Variants in SH3KBP1 observed in about 807,000 individuals in gnomAD.
The protein encoded by SH3KBP1 is SH3 domain-containing kinase-binding protein 1.
A neutral mutation model predicts 50.1 loss-of-function variants in SH3KBP1; 8 were observed. The ratio of observed to expected loss-of-function variants is 0.16; its 90% CI spans 0.09 to 0.29. The LOEUF (loss-of-function observed/expected upper bound fraction) is 0.29, where lower values mean the gene tolerates loss of function less well. Among genes scored for constraint, SH3KBP1 ranks in the 10% least tolerant of loss-of-function variants. SH3KBP1 has a pLI of 1.00. For missense variants in SH3KBP1, 377 were observed against 535.2 expected (o/e 0.70, Z 2.92); for synonymous variants, 227 against 218.6 (o/e 1.04, Z -0.34).
chrX:19,687,257 A>T (rs1292994657), intron 5 of SH3KBP1, among the ~76,000 whole-genome samples: 3 of 112,811 alleles, frequency 2.7e-5, no homozygotes, highest in Non-Finnish European at 5.6e-5. Context: ...TGAGAGGTTG[A>T]CATCTCTGCA....
intron 2 of SH3KBP1, among the ~76,000 whole-genome samples, chrX:19,761,255 G>GGAGA (rs772984496): frequency 1.1e-5 from 1 of 87,578 alleles, no homozygotes; most frequent in South Asian, 7.2e-4. Flanking sequence ...AGAGAGGGAG[G>GGAGA]GAGAGAGAGA....
chrX:19,754,571 G>A (rs1347780465), intron 2 of SH3KBP1, among the ~76,000 whole-genome samples: 7 of 111,595 alleles, frequency 6.3e-5, no homozygotes, highest in African/African-American at 2.3e-4. Flanking sequence ...GGGTTCAAGC[G>A]ATTCTCCTGT....
intron 8 of SH3KBP1, among the ~76,000 whole-genome samples, chrX:19,614,653 T>C (rs961516997): frequency 8.9e-6 from 1 of 111,797 alleles, no homozygotes; most frequent in Non-Finnish European, 1.9e-5. Context: ...GAATCAGTGA[T>C]TTAAGAGGAA....
intron 8 of SH3KBP1, among the ~76,000 whole-genome samples, chrX:19,618,512 G>A (rs1463302692): frequency 1.8e-5 from 2 of 110,515 alleles, no homozygotes; most frequent in African/African-American, 6.6e-5. Flanking sequence ...TCCTAGAGTT[G>A]TGGAACATGG....
intron 2 of SH3KBP1, among the ~76,000 whole-genome samples, chrX:19,794,596 G>A (rs376027085): frequency 1.8e-5 from 2 of 110,571 alleles, no homozygotes; most frequent in Non-Finnish European, 3.8e-5. Context: ...CCAGCATCTC[G>A]GGAGGCTGAG....
chrX:19,837,509 C>A (rs775631628), intron 1 of SH3KBP1, among the ~76,000 whole-genome samples: 3 of 95,741 alleles, frequency 3.1e-5, no homozygotes, highest in Admixed American at 2.4e-4. Context: ...CACTCTGTCA[C>A]CCAGGCTGGA....
chrX:19,705,976 T>C (rs1031423289), intron 4 of SH3KBP1, among the ~76,000 whole-genome samples: 1 of 111,667 alleles, frequency 9.0e-6, no homozygotes, highest in African/African-American at 3.3e-5. Flanking sequence ...CCTTCATTAA[T>C]GAGTTAAATA....
chrX:19,744,458 A>G (rs1353544329), intron 3 of SH3KBP1, among the ~76,000 whole-genome samples: 3 of 111,666 alleles, frequency 2.7e-5, no homozygotes, highest in Non-Finnish European at 5.6e-5. Flanking sequence ...CTGGTACACA[A>G]TGCTTCCCTT....
rs60332447 is a variant in SH3KBP1, at chrX:19,758,327, CA to C, written c.163-11887del. On this transcript the variant is annotated intron_variant, in intron 2 of 17. Coordinates refer to ENST00000397821, the MANE Select transcript of SH3KBP1 (RefSeq NM_031892.3). ...TGGGCCACAGAGTGAGACTTCGTTT[CA>C]AAAAAAAAAAAAAAAAAAAAAAAAG... Among the ~76,000 whole-genome samples, 57 of 37,647 alleles carry C rather than the reference CA, an allele frequency of 1.5e-3. No homozygotes were observed. The East Asian group carries it at 0.034, about 23-fold the overall frequency. The allele number at this position is 37,647 out of a possible 115,157, so 32.7% of individuals were successfully genotyped here. A position where few individuals can be genotyped will look rare whatever the true frequency, so the allele number is the denominator to read the frequency against.
At chrX:19,640,934 A>G (rs1034041606) in intron 7 of SH3KBP1, among the ~76,000 whole-genome samples, 1 of 111,698 alleles carries the variant, frequency 9.0e-6, no homozygotes, top group Admixed American at 9.5e-5. Flanking sequence ...TAGGGTGTGT[A>G]CCAAGTAACC....
intron 1 of SH3KBP1, among the ~76,000 whole-genome samples, chrX:19,879,821 G>T (rs748263273): frequency 4.4e-5 from 5 of 113,293 alleles, no homozygotes; most frequent in African/African-American, 6.4e-5. Flanking sequence ...AATGAAGTAA[G>T]GAAATGGTGC....
At chrX:19,644,706 CAT>C (rs1441033310) in intron 7 of SH3KBP1, among the ~76,000 whole-genome samples, 3 of 111,764 alleles carry the variant, frequency 2.7e-5, no homozygotes, top group African/African-American at 6.5e-5. Context: ...ACGTAGATAA[CAT>C]GTGGCGATAA....
intron 6 of SH3KBP1, among the ~76,000 whole-genome samples, chrX:19,655,113 T>C (rs1201739202): frequency 1.8e-5 from 2 of 112,237 alleles, no homozygotes; most frequent in African/African-American, 6.5e-5. Flanking sequence ...CTGACATGTA[T>C]CCCACACTTG....
Position 19,699,117 on chromosome X carries a change from T to C in SH3KBP1, c.391-3376A>G, listed in dbSNP as rs191428545. 1.9e-3 allele frequency among the ~76,000 whole-genome samples: 217 copies of C among 111,683 alleles called. 1 individual carries two copies. The highest frequency in any genetic ancestry group is 6.7e-3 in the African/African-American group (206 of 30,691). ...CACCAATATTTAGTAAGCACCTATC[T>C]TGCACTGCCCCAGTACCTGGGGACA... On this transcript the variant is annotated intron_variant, in intron 4 of 17. Transcript: ENST00000397821.
intron 1 of SH3KBP1, among the ~76,000 whole-genome samples, chrX:19,864,442 G>A (rs913556313): frequency 8.9e-6 from 1 of 111,835 alleles, no homozygotes; most frequent in African/African-American, 3.3e-5. Flanking sequence ...GATTATCCAG[G>A]TGGACCCAAT....
chrX:19,557,774 G>C (rs2065536574), intron 13 of SH3KBP1, among the ~76,000 whole-genome samples: 1 of 111,893 alleles, frequency 8.9e-6, no homozygotes, highest in Admixed American at 9.5e-5. Context: ...TAGGCAAAGG[G>C]GGATACAGGG....
intron 13 of SH3KBP1, among the ~76,000 whole-genome samples, chrX:19,564,406 A>C (rs1312103869): frequency 9.0e-6 from 1 of 111,720 alleles, no homozygotes; most frequent in Non-Finnish European, 1.9e-5. Context: ...TTGTCCTTTT[A>C]TGTAATACCC....
intron 2 of SH3KBP1, among the ~76,000 whole-genome samples, chrX:19,798,797 A>G (rs181062975): frequency 8.9e-6 from 1 of 112,442 alleles, no homozygotes; most frequent in East Asian, 2.8e-4. Context: ...AGCCCAGCAC[A>G]CTGCTTGCAT....
At chrX:19,738,442 T>G (rs2064660436) in intron 3 of SH3KBP1, among the ~76,000 whole-genome samples, 1 of 110,294 alleles carries the variant, frequency 9.1e-6, no homozygotes, top group Admixed American at 9.7e-5. Context: ...TTTCACGACA[T>G]GCCTCATACA....
Sources: allele counts gnomAD v4.1 joint callset (sites outside exome capture counted in the v4.1 genomes callset), GRCh38; gene constraint gnomAD v4.1.1; transcripts MANE v1.5; gene names NCBI Gene and HGNC (gene_info 2026-07-23, HGNC 2026-07-21).